CNTN3: variants seen among roughly 807,000 people sequenced by gnomAD.
CNTN3 encodes the protein contactin 3.
In CNTN3, 60 loss-of-function variants were observed where a neutral mutation model predicts 119.1. The ratio of observed to expected loss-of-function variants is 0.50; its 90% CI spans 0.41 to 0.62. The LOEUF is 0.62. CNTN3 is among the 20% of genes least tolerant of loss of function. The probability of loss-of-function intolerance (pLI) is 0.00; values close to 1 mark genes in which losing one functional copy is unlikely to be tolerated. For synonymous variants in CNTN3, 450 were observed against 438.7 expected, an observed-to-expected ratio of 1.03 and a Z score of -0.32; for missense variants, 1,101 against 1,242.4, an observed-to-expected ratio of 0.89 and a Z score of 1.71.
rs181485547 is a variant in CNTN3 at position 74,496,994 on chromosome 3, A to G, written c.182+2665T>C. On this transcript the variant is annotated intron_variant, in intron 3 of 22. Coordinates refer to ENST00000263665, the MANE Select transcript of CNTN3 (RefSeq NM_020872.3). ...GGTCTTTCAAAGGACATTCTTTTAC[A>G]AGATTCTTTAACTTTATTCTGAATC... is the stretch of plus-strand genomic sequence containing the variant. Among the ~76,000 whole-genome samples the G allele has an allele frequency of 3.0e-3, 462 of 152,156 alleles. 4 individuals are homozygous for G. The highest frequency in any genetic ancestry group is 2.3e-3 in the Non-Finnish European group (155 of 67,962).
chr3:74,502,841 T>G (rs957507811), intron 2 of CNTN3, among the ~76,000 whole-genome samples: 2 of 152,162 alleles, frequency 1.3e-5, no homozygotes, highest in Non-Finnish European at 1.5e-5. Flanking sequence ...TCTCACAACC[T>G]TACGAGATCT....
intron 1 of CNTN3, among the ~76,000 whole-genome samples, chr3:74,579,706 T>G (rs1203059247): frequency 6.6e-6 from 1 of 152,040 alleles, no homozygotes; most frequent in Non-Finnish European, 1.5e-5. Flanking sequence ...AGAAAATATT[T>G]TAAAATCAAT....
chr3:74,350,451 G>C (rs1339464974), intron 11 of CNTN3, among the ~76,000 whole-genome samples: 2 of 152,064 alleles, frequency 1.3e-5, no homozygotes, highest in African/African-American at 2.4e-5. Flanking sequence ...CACAGAAAAG[G>C]GAACACATAT....
intron 1 of CNTN3, among the ~76,000 whole-genome samples, chr3:74,601,653 C>A (rs1704912413): frequency 6.6e-6 from 1 of 152,066 alleles, no homozygotes; most frequent in African/African-American, 2.4e-5. Flanking sequence ...AAATTCTTCA[C>A]CCTTTTTTGT....
intron 4 of CNTN3, among the ~76,000 whole-genome samples, chr3:74,446,467 G>C (rs1242125739): frequency 6.6e-6 from 1 of 152,006 alleles, no homozygotes; most frequent in Non-Finnish European, 1.5e-5. Flanking sequence ...ATAAACCTTA[G>C]AGCTGTGCTG....
chr3:74,500,020 A>G (rs1366836445), intron 2 of CNTN3, among the ~76,000 whole-genome samples: 1 of 152,070 alleles, frequency 6.6e-6, no homozygotes, highest in Admixed American at 6.6e-5. Flanking sequence ...CCATATTAAG[A>G]TCATTTCATA....
intron 1 of CNTN3, among the ~76,000 whole-genome samples, chr3:74,585,629 C>T (rs185973268): frequency 4.6e-5 from 7 of 152,156 alleles, no homozygotes; most frequent in Admixed American, 6.6e-5. Context: ...AAAAGTTACA[C>T]GATGACTTGA....
intron 1 of CNTN3, among the ~76,000 whole-genome samples, chr3:74,539,678 G>A (rs532622439): frequency 1.2e-4 from 19 of 152,170 alleles, no homozygotes; most frequent in Admixed American, 3.3e-4. Context: ...TTAAGTGCTG[G>A]TTATCCTTCT....
At chr3:74,478,286 T>A (rs962763457) in intron 4 of CNTN3, among the ~76,000 whole-genome samples, 1 of 151,858 alleles carries the variant, frequency 6.6e-6, no homozygotes, top group Non-Finnish European at 1.5e-5. Flanking sequence ...AATATGACAA[T>A]GGGAAGGTAA....
chr3:74,305,826 AT>A (rs1224756509), intron 13 of CNTN3, among the ~76,000 whole-genome samples: 1 of 151,384 alleles, frequency 6.6e-6, no homozygotes, highest in Admixed American at 6.6e-5. Flanking sequence ...CTATCCTCTT[AT>A]GACTTGTTCA....
rs116189978 is a variant in CNTN3 at position 74,349,871 on chromosome 3, A to G, written c.1364+12019T>C. On this transcript the variant is annotated intron_variant, in intron 11 of 22. Coordinates refer to ENST00000263665, the MANE Select transcript of CNTN3 (RefSeq NM_020872.3). ...TACTCCCTGTAAATAAAACATTTATACTGGGCAAAGATATGAATTATTTAT... is the reference window on the plus strand; with the variant it reads ...TACTCCCTGTAAATAAAACATTTATGCTGGGCAAAGATATGAATTATTTAT... 7.7e-3 allele frequency among the ~76,000 whole-genome samples: 1,175 copies of G among 152,324 alleles called. 23 individuals carry two copies. Among genetic ancestry groups the G allele is most frequent in the African/African-American group, 0.027 (1,121 of 41,560 alleles).
Position 74,614,507 on chromosome 3 carries a change from G to T in CNTN3, c.-197C>A, listed in dbSNP as rs1443082819. Among the ~76,000 whole-genome samples, 1 of 144,878 alleles carries T rather than the reference G, an allele frequency of 6.9e-6. No homozygotes were observed. Among genetic ancestry groups the T allele is most frequent in the African/African-American group, 2.5e-5 (1 of 40,040 alleles). ...TAGTCCGGGCCCGGGGGGCCGCCGT[G>T]CGCGCCCGCGTAAGCCGCCGCCGCC... On this transcript the variant is annotated 5_prime_UTR_variant, in exon 1 of 23. Coordinates refer to ENST00000263665, the MANE Select transcript of CNTN3 (RefSeq NM_020872.3).
chr3:74,274,044 C>T (rs1701833362), intron 20 of CNTN3, among the ~76,000 whole-genome samples: 1 of 152,062 alleles, frequency 6.6e-6, no homozygotes, highest in African/African-American at 2.4e-5. Context: ...GGCTTTCCTT[C>T]ACTTCTCTGA....
chr3:74,274,937 G>A (rs540178178), intron 20 of CNTN3, among the ~76,000 whole-genome samples: 3 of 152,192 alleles, frequency 2.0e-5, no homozygotes, highest in East Asian at 1.9e-4. Flanking sequence ...AATATTCAAT[G>A]AAATAGATAG....
intron 5 of CNTN3, among the ~76,000 whole-genome samples, chr3:74,413,341 A>G (rs1186618660): frequency 6.6e-6 from 1 of 152,192 alleles, no homozygotes; most frequent in East Asian, 1.9e-4. Flanking sequence ...TAACCTATTG[A>G]AAGCTGACGG....
chr3:74,556,335 A>G (rs1465255043), intron 1 of CNTN3, among the ~76,000 whole-genome samples: 1 of 152,072 alleles, frequency 6.6e-6, no homozygotes, highest in African/African-American at 2.4e-5. Context: ...ACCAGAAACC[A>G]TTCATTTATT....
intron 13 of CNTN3, among the ~76,000 whole-genome samples, chr3:74,307,840 T>C (rs1258569703): frequency 1.3e-5 from 2 of 152,190 alleles, no homozygotes; most frequent in African/African-American, 4.8e-5. Flanking sequence ...GCAATCTCAA[T>C]GTAAAAGAAG....
At chr3:74,386,612 A>G (rs1575677760) in intron 5 of CNTN3, among the ~76,000 whole-genome samples, 1 of 152,180 alleles carries the variant, frequency 6.6e-6, no homozygotes, top group South Asian at 2.1e-4. Context: ...CAATTAAAAC[A>G]CATGACTAAG....
intron 5 of CNTN3, among the ~76,000 whole-genome samples, chr3:74,403,739 T>A (rs1448717112): frequency 6.6e-6 from 1 of 152,136 alleles, no homozygotes; most frequent in Non-Finnish European, 1.5e-5. Flanking sequence ...AAGAAAGTTA[T>A]TGGGCCTTTA....
Sources: gnomAD v4.1 joint callset for allele counts (sites outside exome capture counted in the v4.1 genomes callset) on GRCh38, gnomAD v4.1.1 for gene constraint, MANE v1.5 for transcripts, NCBI Gene and HGNC (gene_info 2026-07-23, HGNC 2026-07-21) for gene names.